The following CD99L2 variants were observed in gnomAD, a reference collection of about 807,000 sequenced individuals.
CD99L2 encodes CD99 antigen-like protein 2.
A neutral mutation model predicts 27.3 loss-of-function variants in CD99L2; 24 were observed. The observed-to-expected ratio is 0.88, with a 90% CI of 0.64 to 1.24. The LOEUF (loss-of-function observed/expected upper bound fraction) is 1.24, where lower values mean the gene tolerates loss of function less well. Ranked by LOEUF, CD99L2 falls within the 50% of genes most tolerant of loss-of-function variation. CD99L2 has a pLI of 0.00. For missense variants in CD99L2, 255 were observed against 221.6 expected (o/e 1.15, Z -0.96); for synonymous variants, 97 against 87.9 (o/e 1.10, Z -0.58).
At chrX:150,804,667 G>T (rs912823964) in intron 4 of CD99L2, among the ~76,000 whole-genome samples, 16 of 111,599 alleles carry the variant, frequency 1.4e-4, no homozygotes, top group African/African-American at 4.6e-4. Context: ...TTTTTGAAAA[G>T]ATCAACAAAA....
intron 1 of CD99L2, among the ~76,000 whole-genome samples, chrX:150,897,152 A>C (rs1321984109): frequency 8.9e-6 from 1 of 112,935 alleles, no homozygotes; most frequent in African/African-American, 3.2e-5. Context: ...TAAACAAAAT[A>C]AAAATTTTAT....
chrX:150,769,672 CCTGCCTGCGCCACCAGGCCTCGG>C (rs1228745344), intron 10 of CD99L2, among the ~76,000 whole-genome samples: 12 of 95,836 alleles, frequency 1.3e-4, no homozygotes, highest in South Asian at 3.9e-4. Flanking sequence ...TCCTAGTCTC[CCTGCCTGCGCCACCAGGCCTCGG>C]CTGCTCCCCG....
At chrX:150,825,026 C>T (rs1444070704) in intron 2 of CD99L2, among the ~76,000 whole-genome samples, 2 of 111,875 alleles carry the variant, frequency 1.8e-5, no homozygotes, top group African/African-American at 3.3e-5. Flanking sequence ...ATTATGCATG[C>T]GTATCTATGT....
chrX:150,798,263 A>AGGGAGGGT (rs2045846117), intron 4 of CD99L2, among the ~76,000 whole-genome samples: 1 of 15,986 alleles, frequency 6.3e-5, no homozygotes, highest in African/African-American at 3.0e-4. Flanking sequence ...GGAGGGAGGG[A>AGGGAGGGT]GGGAGGGTGG....
At chrX:150,841,605 T>C (rs1012701436) in intron 1 of CD99L2, among the ~76,000 whole-genome samples, 1 of 111,778 alleles carries the variant, frequency 8.9e-6, no homozygotes, top group Non-Finnish European at 1.9e-5. Context: ...TGAAATGACA[T>C]CTTACACAAT....
chrX:150,891,395 T>C (rs2047509750), intron 1 of CD99L2, among the ~76,000 whole-genome samples: 1 of 111,760 alleles, frequency 8.9e-6, no homozygotes, highest in South Asian at 3.8e-4. Context: ...GGTCCTTGGT[T>C]CCTGGCCCCT....
intron 1 of CD99L2, among the ~76,000 whole-genome samples, chrX:150,897,091 C>T (rs2047623623): frequency 8.9e-6 from 1 of 112,297 alleles, no homozygotes; most frequent in African/African-American, 3.2e-5. Flanking sequence ...ATTTCCATGT[C>T]ATTAGATGCA....
At chrX:150,793,346 A>G (rs782702766) in intron 7 of CD99L2, among the ~76,000 whole-genome samples, 41 of 112,728 alleles carry the variant, frequency 3.6e-4, no homozygotes, top group African/African-American at 9.7e-4. Context: ...CCCAAGAGTG[A>G]GTGAGTCTCT....
intron 1 of CD99L2, among the ~76,000 whole-genome samples, chrX:150,853,844 C>A (rs782780495): frequency 8.9e-6 from 1 of 111,967 alleles, no homozygotes; most frequent in South Asian, 3.8e-4. Flanking sequence ...TTCAGTCCCC[C>A]ATTTGGCAAT....
intron 1 of CD99L2, among the ~76,000 whole-genome samples, chrX:150,861,904 T>TC (rs2046983795): frequency 1.1e-5 from 1 of 88,237 alleles, no homozygotes; most frequent in African/African-American, 4.3e-5. Flanking sequence ...AGACTCTTTC[T>TC]CAAAAAAAAA....
intron 1 of CD99L2, among the ~76,000 whole-genome samples, chrX:150,887,756 A>T (rs1557422672): frequency 8.9e-6 from 1 of 112,059 alleles, no homozygotes; most frequent in African/African-American, 3.2e-5. Context: ...TCAGAGAGAG[A>T]GAACCCGACC....
rs72172934 is a variant in CD99L2 at position 150,877,959 on chromosome X, T to TACACACACACACACAC, written c.67+20547_67+20562dup. Among the ~76,000 whole-genome samples, 49 of 83,068 alleles carry TACACACACACACACAC rather than the reference T, an allele frequency of 5.9e-4. 3 individuals carry two copies. Among genetic ancestry groups the TACACACACACACACAC allele is most frequent in the African/African-American group, 2.0e-3 (43 of 21,276 alleles). The allele number at this position is 83,068 out of a possible 115,157, so 72.1% of individuals were successfully genotyped here. On this transcript the variant is annotated intron_variant, in intron 1 of 10. Coordinates refer to ENST00000370377, the MANE Select transcript of CD99L2 (RefSeq NM_031462.4). ...AGAGTAAGACCTTATCTCAAACACA[T>TACACACACACACACAC]ACACACACACACACACACACACACA...
intron 8 of CD99L2, 123 bp downstream of exon 8, chrX:150,777,321 G>T: frequency 1.2e-6 from 1 of 820,504 alleles, no homozygotes. Flanking sequence ...GGAGTAGAAT[G>T]GGAGGCACGT....
Position 150,883,641 on chromosome X carries a change from T to G in CD99L2, c.67+14881A>C, listed in dbSNP as rs147553585. Among the ~76,000 whole-genome samples, 846 of 110,911 alleles carry G rather than the reference T, an allele frequency of 7.6e-3. 7 individuals are homozygous for G. Among genetic ancestry groups the G allele is most frequent in the African/African-American group, 0.026 (801 of 30,456 alleles). ...AAATTCTTCTCTGGAAGAAGGCAAATTTACCCTAGACTTCAAAGATTCCCC... is the reference window on the plus strand; with the variant it reads ...AAATTCTTCTCTGGAAGAAGGCAAAGTTACCCTAGACTTCAAAGATTCCCC... On this transcript the variant is annotated intron_variant, in intron 1 of 10. Transcript: ENST00000370377.
intron 1 of CD99L2, among the ~76,000 whole-genome samples, chrX:150,861,331 T>A (rs1557421901): frequency 1.8e-5 from 2 of 110,860 alleles, no homozygotes; most frequent in Admixed American, 1.9e-4. Flanking sequence ...AGAATAAAGC[T>A]GGAGATATTA....
chrX:150,813,289 G>T (rs1197228539), intron 4 of CD99L2, among the ~76,000 whole-genome samples: 1 of 111,926 alleles, frequency 8.9e-6, no homozygotes, highest in Non-Finnish European at 1.9e-5. Context: ...GTCAATATAT[G>T]GCTATGATAG....
chrX:150,774,947 T>G (rs1193532144), intron 9 of CD99L2, among the ~76,000 whole-genome samples: 1 of 112,100 alleles, frequency 8.9e-6, no homozygotes, highest in Non-Finnish European at 1.9e-5. Context: ...CCACGGTGGG[T>G]CCGTGGGATC....
At chrX:150,850,829 T>C (rs946805119) in intron 1 of CD99L2, among the ~76,000 whole-genome samples, 2 of 110,317 alleles carry the variant, frequency 1.8e-5, no homozygotes, top group Admixed American at 1.9e-4. Flanking sequence ...GGAGTACTTT[T>C]TTTTCTTTCT....
chrX:150,831,181 C>T (rs2046439342), intron 2 of CD99L2, 50 bp downstream of exon 2: 4 of 947,805 alleles, frequency 4.2e-6, no homozygotes, highest in African/African-American at 1.9e-5. Flanking sequence ...GGATGATACA[C>T]ATTAATCACT....
Sources: allele counts gnomAD v4.1 joint callset (sites outside exome capture counted in the v4.1 genomes callset), GRCh38; gene constraint gnomAD v4.1.1; transcripts MANE v1.5; gene names NCBI Gene and HGNC (gene_info 2026-07-23, HGNC 2026-07-21).